TTC39B: variants seen among roughly 807,000 people sequenced by gnomAD.
TTC39B encodes the protein tetratricopeptide repeat domain 39B.
A neutral mutation model predicts 96.6 loss-of-function variants in TTC39B; 92 were observed. The observed-to-expected ratio is 0.95, with a 90% CI of 0.80 to 1.13. TTC39B has a LOEUF of 1.13. TTC39B is among the 50% of genes most tolerant of loss of function. The pLI is 0.00. For missense variants in TTC39B, 955 were observed against 809.3 expected (o/e 1.18, Z -2.18); for synonymous variants, 367 against 299.4 (o/e 1.23, Z -2.33).
intron 1 of TTC39B, among the ~76,000 whole-genome samples, chr9:15,290,431 A>G (rs1463077701): frequency 6.6e-6 from 1 of 152,174 alleles, no homozygotes; most frequent in African/African-American, 2.4e-5. Flanking sequence ...ATTGCTCACA[A>G]GGAAATGCCT....
chr9:15,299,328 AC>A (rs1465276605), intron 1 of TTC39B, among the ~76,000 whole-genome samples: 1 of 152,220 alleles, frequency 6.6e-6, no homozygotes, highest in Non-Finnish European at 1.5e-5. Flanking sequence ...ACAGATCACA[AC>A]AAAAAGCATT....
chr9:15,307,157 C>G (rs1317174245), exon 1 of TTC39B: 4 of 1,604,890 alleles, frequency 2.5e-6, no homozygotes, highest in Non-Finnish European at 3.4e-6. Context: ...ACCCAAAAAC[C>G]AAGCAGGGAA....
intron 18 of TTC39B, among the ~76,000 whole-genome samples, chr9:15,176,220 T>C (rs1817929837): frequency 6.6e-6 from 1 of 152,138 alleles, no homozygotes; most frequent in Non-Finnish European, 1.5e-5. Context: ...AAAACTCCAA[T>C]GAAGGTGAGT....
intron 2 of TTC39B, among the ~76,000 whole-genome samples, chr9:15,243,631 T>C (rs1822144984): frequency 6.6e-6 from 1 of 152,202 alleles, no homozygotes; most frequent in Admixed American, 6.5e-5. Context: ...GAAAGCAGGC[T>C]GGGTACAGTG....
chr9:15,210,742 C>T (rs1406652117), intron 5 of TTC39B, among the ~76,000 whole-genome samples: 2 of 152,158 alleles, frequency 1.3e-5, no homozygotes, highest in African/African-American at 4.8e-5. Flanking sequence ...ATCTTCCATA[C>T]TGTGAAACAC....
intron 1 of TTC39B, among the ~76,000 whole-genome samples, chr9:15,287,547 C>T (rs1228709600): frequency 2.6e-5 from 4 of 152,172 alleles, no homozygotes; most frequent in Admixed American, 6.5e-5. Flanking sequence ...ATGTGGTACT[C>T]GCTTCCCGGA....
At chr9:15,236,332 C>T (rs12337646) in intron 2 of TTC39B, among the ~76,000 whole-genome samples, 3,369 of 152,230 alleles carry the variant, frequency 0.022, 119 homozygotes, top group African/African-American at 0.076. Context: ...ACAAATGCTA[C>T]TAGACCTAAG....
chr9:15,219,770 T>C (rs757861017), intron 3 of TTC39B, among the ~76,000 whole-genome samples: 8 of 152,194 alleles, frequency 5.3e-5, no homozygotes, highest in Admixed American at 1.3e-4. Flanking sequence ...GCCCAGCCCC[T>C]TTCTTACAGG....
rs1817536076 is a variant in TTC39B, at chr9:15,167,007, TA to T, written c.*5011del. On this transcript the variant is annotated 3_prime_UTR_variant, in exon 20 of 20. Transcript: ENST00000512701. ...TTATATATATATATATATATATATA[TA>T]TATATATATATATATATATATTTTT... is the stretch of plus-strand genomic sequence containing the variant. The T allele has an allele frequency of 3.1e-3, 23 of 7,378 alleles. 1 individual carries two copies. Among genetic ancestry groups the T allele is most frequent in the East Asian group, 0.014 (2 of 144 alleles). 0.5% of individuals were successfully genotyped at this position (7,378 alleles called of 1,614,324 possible). A position where few individuals can be genotyped will look rare whatever the true frequency, so the allele number is the denominator to read the frequency against.
At chr9:15,241,468 G>A (rs969103213) in intron 2 of TTC39B, among the ~76,000 whole-genome samples, 7 of 151,638 alleles carry the variant, frequency 4.6e-5, no homozygotes, top group Admixed American at 6.6e-5. Context: ...AGATGTTAAA[G>A]CACAAAAAAT....
chr9:15,199,734 CA>C (rs35361396), intron 8 of TTC39B, 126 bp downstream of exon 8: 1,227 of 70,322 alleles, frequency 0.017, no homozygotes, highest in South Asian at 0.026. Flanking sequence ...GACTCCGTCT[CA>C]AAAAAAAAAA....
chr9:15,208,979 G>A (rs1820032811), intron 6 of TTC39B, among the ~76,000 whole-genome samples: 1 of 152,084 alleles, frequency 6.6e-6, no homozygotes, highest in Non-Finnish European at 1.5e-5. Context: ...GCAATATCCA[G>A]AATTGCTCTT....
Position 15,189,802 on chromosome 9 carries a change from T to C in TTC39B, c.1106-10A>G. ...TTCACTTCTCCTGTACCTAGAAATT[T>C]AACAGGAAAAGACTCAGTCTTCATA... On this transcript the variant is annotated splice_polypyrimidine_tract_variant and intron_variant, in intron 11 of 19. Coordinates refer to ENST00000512701, the Ensembl canonical transcript of TTC39B. The C allele has an allele frequency of 6.3e-7, 1 of 1,592,102 alleles. No homozygotes were observed. The highest frequency in any genetic ancestry group is 8.6e-7 in the Non-Finnish European group (1 of 1,164,938).
chr9:15,306,139 C>G lies in TTC39B; in HGVS notation c.240+945G>C, dbSNP rs776974253. On this transcript the variant is annotated intron_variant, in intron 1 of 19. Coordinates refer to ENST00000512701, the Ensembl canonical transcript of TTC39B. This position sits in a 1 kb window ranked among gnomAD's most constrained non-coding sequence, Gnocchi z 5.1. Reference sequence around the variant, plus strand: ...ACTATTGCATCATTTGAAACCAAAGCCTTCTAAAGGCAGCGACTCGCACAA... The same window carrying G: ...ACTATTGCATCATTTGAAACCAAAGGCTTCTAAAGGCAGCGACTCGCACAA... Among the ~76,000 whole-genome samples the G allele has an allele frequency of 6.6e-6, 1 of 152,214 alleles. No individual in the cohort carries two copies. Among genetic ancestry groups the G allele is most frequent in the Non-Finnish European group, 1.5e-5 (1 of 68,038 alleles).
intron 1 of TTC39B, among the ~76,000 whole-genome samples, chr9:15,294,944 C>T (rs1159753278): frequency 2.0e-5 from 3 of 152,208 alleles, no homozygotes; most frequent in African/African-American, 7.2e-5. Flanking sequence ...ATTGAGTTAA[C>T]TTATCCCAGG....
chr9:15,264,924 C>T (rs544222869), intron 2 of TTC39B, among the ~76,000 whole-genome samples: 191 of 152,054 alleles, frequency 1.3e-3, no homozygotes, highest in Non-Finnish European at 2.2e-3. Context: ...CCATCTAACT[C>T]GGTTGAACAA....
chr9:15,271,595 C>T lies in TTC39B; in HGVS notation c.241-3647G>A, dbSNP rs116374592. ...CTCTCACGCCACCGCTGATCTAACA[C>T]GGGGTGGAGCTGTGGTAATGCTCGC... is the stretch of plus-strand genomic sequence containing the variant. On this transcript the variant is annotated intron_variant, in intron 1 of 19. Coordinates refer to ENST00000512701, the Ensembl canonical transcript of TTC39B. 7.8e-3 allele frequency among the ~76,000 whole-genome samples: 1,183 copies of T among 152,246 alleles called. 21 individuals carry two copies. The highest frequency in any genetic ancestry group is 0.027 in the African/African-American group (1,110 of 41,542).
intron 2 of TTC39B, among the ~76,000 whole-genome samples, chr9:15,227,251 T>C (rs1821173177): frequency 6.6e-6 from 1 of 150,596 alleles, no homozygotes; most frequent in African/African-American, 2.5e-5. Flanking sequence ...GAGGTTGCGG[T>C]GAGCCAAGAT....
intron 1 of TTC39B, among the ~76,000 whole-genome samples, chr9:15,279,858 TC>T (rs1823688110): frequency 1.3e-5 from 2 of 152,122 alleles, no homozygotes; most frequent in South Asian, 4.2e-4. Context: ...TGCTGCCTTT[TC>T]TTTTTTTGTA....
Sources: allele counts gnomAD v4.1 joint callset (sites outside exome capture counted in the v4.1 genomes callset), GRCh38; gene constraint gnomAD v4.1.1; non-coding constraint Gnocchi (gnomAD v3.1); transcripts MANE v1.5; gene names NCBI Gene and HGNC (gene_info 2026-07-23, HGNC 2026-07-21).